Variants in WDR11 observed in about 807,000 individuals in gnomAD.
WDR11 encodes the protein WD repeat-containing protein 11.
WDR11 carries 83 observed loss-of-function variants against 151.2 expected under a neutral mutation model. The ratio of observed to expected loss-of-function variants is 0.55; its 90% CI spans 0.46 to 0.66. The LOEUF is 0.66. Among genes scored for constraint, WDR11 ranks in the 30% least tolerant of loss-of-function variants. The probability of loss-of-function intolerance (pLI) is 0.00; values close to 1 mark genes in which losing one functional copy is unlikely to be tolerated. For missense variants in WDR11, 1,301 were observed against 1,480.9 expected (o/e 0.88, Z 1.99); for synonymous variants, 484 against 533.1 (o/e 0.91, Z 1.27).
At chr10:120,876,597 C>A (rs955919101) in intron 11 of WDR11, among the ~76,000 whole-genome samples, 7 of 152,200 alleles carry the variant, frequency 4.6e-5, no homozygotes, top group African/African-American at 1.4e-4. Flanking sequence ...GCTTACACTG[C>A]TGAATCTTCT....
intron 9 of WDR11, among the ~76,000 whole-genome samples, chr10:120,870,311 TTATG>T (rs1267616579): frequency 6.6e-6 from 1 of 152,210 alleles, no homozygotes; most frequent in Non-Finnish European, 1.5e-5. Context: ...ATGTTTGTGT[TTATG>T]TGTGTGTAGA....
chr10:120,853,511 C>T (rs1380862229), intron 2 of WDR11, among the ~76,000 whole-genome samples: 2 of 152,078 alleles, frequency 1.3e-5, no homozygotes, highest in African/African-American at 2.4e-5. Context: ...GTGATCCACC[C>T]GCCTTGGCCT....
intron 9 of WDR11, among the ~76,000 whole-genome samples, chr10:120,869,855 T>G (rs986878684): frequency 2.0e-5 from 3 of 152,262 alleles, no homozygotes; most frequent in South Asian, 4.1e-4. Flanking sequence ...GGTGGCGCAA[T>G]CTCGGCTCAT....
intron 19 of WDR11, among the ~76,000 whole-genome samples, chr10:120,896,976 CAA>C (rs968296402): frequency 3.9e-5 from 6 of 152,094 alleles, no homozygotes; most frequent in African/African-American, 1.2e-4. Context: ...GCTCTTTGGA[CAA>C]AAAGTTTATT....
intron 13 of WDR11, among the ~76,000 whole-genome samples, chr10:120,881,256 G>T (rs1846997008): frequency 6.6e-6 from 1 of 151,882 alleles, no homozygotes; most frequent in Non-Finnish European, 1.5e-5. Context: ...TTTGTTTCAG[G>T]GGAAAATAAC....
intron 5 of WDR11, among the ~76,000 whole-genome samples, chr10:120,864,352 C>T (rs1846240376): frequency 6.6e-6 from 1 of 152,084 alleles, no homozygotes; most frequent in Non-Finnish European, 1.5e-5. Context: ...GAAAATAGTA[C>T]ATAATTGTAT....
chr10:120,907,881 A>G (rs1848124719), intron 28 of WDR11: 1 of 151,050 alleles, frequency 6.6e-6, no homozygotes, highest in Non-Finnish European at 1.5e-5. Flanking sequence ...TAGTTCAAGC[A>G]GTCCTCTCAC....
intron 19 of WDR11, 138 bp from the exon 20 acceptor site, chr10:120,899,891 A>C: frequency 1.4e-6 from 1 of 704,758 alleles, no homozygotes; most frequent in Non-Finnish European, 2.5e-6. Context: ...CTAAGCGGTG[A>C]CTACATTGAA....
intron 25 of WDR11, 97 bp from the exon 26 acceptor site, chr10:120,905,222 C>A (rs1012572017): frequency 8.6e-7 from 1 of 1,166,716 alleles, no homozygotes; most frequent in Non-Finnish European, 1.3e-6. Flanking sequence ...ATAAAATGGG[C>A]ACGACTAGAT....
intron 19 of WDR11, among the ~76,000 whole-genome samples, chr10:120,896,153 T>C (rs1847607057): frequency 6.6e-6 from 1 of 152,178 alleles, no homozygotes; most frequent in Non-Finnish European, 1.5e-5. Context: ...TGACCTGATG[T>C]AGAGTGATAT....
At chr10:120,889,775 A>G (rs1847354388) in intron 17 of WDR11, 120 bp from the exon 18 acceptor site, 2 of 763,210 alleles carry the variant, frequency 2.6e-6, no homozygotes, top group Admixed American at 4.0e-5. Context: ...CCCAGCAAGT[A>G]AAGGGTTCTC....
At position 120,858,687 on chromosome 10, in the gene WDR11, A is replaced by G. The variant is rs1846031269; in HGVS notation, c.243A>G (p.Pro81=). Residue 81 remains proline, a synonymous_variant, in exon 3 of 29, where the codon CCA becomes CCG. Transcript: ENST00000263461. ...RENYHHNIGS[P]YCLRLASADV... ...ACTATCACCATAACATTGGCTCACCATATTGCTTACGGTTAGCTTCTGCTG... is the reference window on the plus strand; with the variant it reads ...ACTATCACCATAACATTGGCTCACCGTATTGCTTACGGTTAGCTTCTGCTG... 3 of 1,614,108 alleles carry G rather than the reference A, an allele frequency of 1.9e-6. No individual in the cohort carries two copies. Among genetic ancestry groups the G allele is most frequent in the South Asian group, 1.1e-5 (1 of 91,094 alleles).
In WDR11 at chr10:120,871,237, C is replaced by A. The variant is rs1265041621; in HGVS notation, c.1362C>A (p.Phe454Leu). The A allele has an allele frequency of 1.2e-6, 2 of 1,614,028 alleles. No individual in the cohort carries two copies. The highest frequency in any genetic ancestry group is 1.7e-6 in the Non-Finnish European group (2 of 1,180,038). ...GSILREVHLK[F>L]LLTGLLSGLP... is the part of the protein sequence containing the mutation. ...TTCTGCGGGAAGTGCACCTCAAGTT[C>A]CTGCTGACGGGACTGCTTTCAGGAC... Residue 454 changes from phenylalanine to leucine, a missense_variant, in exon 10 of 29, where the codon TTC becomes TTA. Phe to Leu is a conservative substitution (Grantham distance 22). Around this residue, in one of 3 missense-constraint regions of WDR11, gnomAD observed 692 missense variants for 762.5 expected, o/e 0.91. Transcript: ENST00000263461.
At chr10:120,862,550 G>A (rs1345968912) in intron 4 of WDR11, 185 bp from the exon 5 acceptor site, 2 of 613,066 alleles carry the variant, frequency 3.3e-6, no homozygotes, top group Non-Finnish European at 5.7e-6. Flanking sequence ...GGCCTCTGAT[G>A]AATTGTAATG....
intron 11 of WDR11, 59 bp downstream of exon 11, chr10:120,873,982 T>TG: frequency 1.8e-6 from 2 of 1,131,336 alleles, no homozygotes; most frequent in Non-Finnish European, 2.7e-6. Flanking sequence ...AAAATTCTCA[T>TG]AGACTTTTCT....
At chr10:120,852,217 A>G (rs1590047419) in intron 1 of WDR11, 3 of 358,040 alleles carry the variant, frequency 8.4e-6, no homozygotes, top group Non-Finnish European at 1.6e-5. Context: ...TAGAAATCGG[A>G]TAAGCGAAAG....
chr10:120,895,477 C>G (rs975525711), intron 19 of WDR11, among the ~76,000 whole-genome samples: 1 of 151,114 alleles, frequency 6.6e-6, no homozygotes, highest in Non-Finnish European at 1.5e-5. Flanking sequence ...CTTTATAGCC[C>G]AGATGTAAAA....
At position 120,893,121 on chromosome 10, in the gene WDR11, A is replaced by G. The variant is rs552787634; in HGVS notation, c.2515+2234A>G. ...GTTGGTGTGCTGCACCCATTAACTC[A>G]TCATTTAGCATTAGGTATATCTCCT... On this transcript the variant is annotated intron_variant, in intron 19 of 28. Coordinates refer to ENST00000263461, the MANE Select transcript of WDR11 (RefSeq NM_018117.12). 6.6e-3 allele frequency among the ~76,000 whole-genome samples: 1,002 copies of G among 150,892 alleles called. 6 individuals are homozygous for G. Among genetic ancestry groups the G allele is most frequent in the Non-Finnish European group, 0.011 (765 of 67,738 alleles).
chr10:120,892,951 A>G (rs1847476368), intron 19 of WDR11, among the ~76,000 whole-genome samples: 1 of 151,792 alleles, frequency 6.6e-6, no homozygotes, highest in Non-Finnish European at 1.5e-5. Flanking sequence ...ACACCCTTTA[A>G]ATAGTATTGA....
Sources: gnomAD v4.1 joint callset for allele counts (sites outside exome capture counted in the v4.1 genomes callset) on GRCh38, gnomAD v4.1.1 for gene constraint, gnomAD v4.1.1 regional missense constraint, MANE v1.5 for transcripts, NCBI Gene and HGNC (gene_info 2026-07-23, HGNC 2026-07-21) for gene names.